The following MACROD2 variants were observed in gnomAD, a reference collection of about 807,000 sequenced individuals.
The protein encoded by MACROD2 is mono-ADP ribosylhydrolase 2, also known as ADP-ribose glycohydrolase MACROD2.
In MACROD2, 36 loss-of-function variants were observed where a neutral mutation model predicts 70.4. The observed-to-expected ratio is 0.51, with a 90% CI of 0.39 to 0.68. The LOEUF (loss-of-function observed/expected upper bound fraction) is 0.68, where lower values mean the gene tolerates loss of function less well. Among genes scored for constraint, MACROD2 ranks in the 30% least tolerant of loss-of-function variants. The pLI, the probability that MACROD2 is intolerant of heterozygous loss-of-function variation, is 0.00. For synonymous variants in MACROD2, 172 were observed against 178.8 expected (o/e 0.96, Z 0.30); for missense variants, 496 against 538.4 (o/e 0.92, Z 0.78).
intron 3 of MACROD2, chr20:14,127,763 A>C: frequency 2.3e-6 from 1 of 439,782 alleles, no homozygotes; most frequent in Non-Finnish European, 4.4e-6. Context: ...AGATAAAAGG[A>C]GGAGCAGGAG....
intron 4 of MACROD2, among the ~76,000 whole-genome samples, chr20:14,661,540 A>G (rs910412502): frequency 5.9e-5 from 9 of 152,268 alleles, no homozygotes; most frequent in African/African-American, 2.2e-4. Context: ...TGCTCTGCAG[A>G]AGCTCTGTAG....
At chr20:15,605,376 A>T (rs1229502277) in intron 8 of MACROD2, among the ~76,000 whole-genome samples, 1 of 151,838 alleles carries the variant, frequency 6.6e-6, no homozygotes, top group Non-Finnish European at 1.5e-5. Flanking sequence ...CAAAATGAAA[A>T]GAGGGTATTG....
At chr20:15,515,555 A>T (rs1168775877) in intron 8 of MACROD2, among the ~76,000 whole-genome samples, 2 of 152,092 alleles carry the variant, frequency 1.3e-5, no homozygotes, top group Non-Finnish European at 2.9e-5. Flanking sequence ...TTTCCCACTG[A>T]CTCAAGGACT....
chr20:14,762,081 G>A (rs553612323), intron 5 of MACROD2, among the ~76,000 whole-genome samples: 23 of 152,172 alleles, frequency 1.5e-4, no homozygotes, highest in African/African-American at 5.3e-4. Context: ...GCCTCGGCTG[G>A]TTCACATGGC....
At chr20:15,487,842 T>C (rs2047181549) in intron 7 of MACROD2, among the ~76,000 whole-genome samples, 1 of 152,066 alleles carries the variant, frequency 6.6e-6, no homozygotes, top group African/African-American at 2.4e-5. Flanking sequence ...CAAAAGCCAA[T>C]AGTCAGGGGA....
chr20:15,065,654 CAA>C (rs554222351), intron 5 of MACROD2, among the ~76,000 whole-genome samples: 73 of 94,954 alleles, frequency 7.7e-4, no homozygotes, highest in East Asian at 6.3e-3. Context: ...ACTCCGTCTC[CAA>C]AAAAAAAAAA....
At chr20:15,007,375 C>CAAACAA (rs2075047027) in intron 5 of MACROD2, among the ~76,000 whole-genome samples, 1 of 146,722 alleles carries the variant, frequency 6.8e-6, no homozygotes, top group African/African-American at 2.6e-5. Context: ...AAAACAAAAA[C>CAAACAA]AAACAAAAAA....
At chr20:14,826,683 A>G (rs545113609) in intron 5 of MACROD2, among the ~76,000 whole-genome samples, 4 of 152,214 alleles carry the variant, frequency 2.6e-5, no homozygotes, top group South Asian at 2.1e-4. Flanking sequence ...TGTTTGTAAC[A>G]TGTATCCACA....
intron 4 of MACROD2, among the ~76,000 whole-genome samples, chr20:14,519,151 GAATCTTTTACC>G (rs2085136752): frequency 6.6e-6 from 1 of 152,068 alleles, no homozygotes; most frequent in African/African-American, 2.4e-5. Context: ...TTAGTCACTG[GAATCTTTTACC>G]TCCCAACACA....
chr20:15,978,885 G>T (rs16996877), intron 13 of MACROD2, among the ~76,000 whole-genome samples: 22,218 of 152,120 alleles, frequency 0.15, 2,920 homozygotes, highest in African/African-American at 0.35. Context: ...TTCATTAAAC[G>T]TCAGGAGTGA....
chr20:14,951,856 C>T (rs954602089), intron 5 of MACROD2, among the ~76,000 whole-genome samples: 18 of 151,974 alleles, frequency 1.2e-4, no homozygotes, highest in African/African-American at 4.4e-4. Flanking sequence ...ATCTTTCCTC[C>T]CGTGTTTTTC....
chr20:14,045,177 CCTGCAAG>C (rs1359630184), intron 2 of MACROD2, among the ~76,000 whole-genome samples: 1 of 152,248 alleles, frequency 6.6e-6, no homozygotes, highest in Non-Finnish European at 1.5e-5. Flanking sequence ...TCCACACCTC[CCTGCAAG>C]CTGAGGGAGC....
chr20:15,349,990 A>G (rs55689063), intron 6 of MACROD2, among the ~76,000 whole-genome samples: 7,994 of 152,230 alleles, frequency 0.053, 276 homozygotes, highest in Middle Eastern at 0.16. Context: ...CTGATAGATG[A>G]AAGAAAACTG....
At chr20:15,033,872 C>T (rs1012280157) in intron 5 of MACROD2, among the ~76,000 whole-genome samples, 5 of 152,136 alleles carry the variant, frequency 3.3e-5, no homozygotes, top group African/African-American at 9.7e-5. Context: ...TCAACAGACA[C>T]AAGGGAGTAT....
intron 6 of MACROD2, among the ~76,000 whole-genome samples, chr20:15,377,009 G>T: frequency 6.6e-6 from 1 of 152,084 alleles, no homozygotes. Context: ...TCCTGCCTCA[G>T]CCTCCTGAGT....
intron 3 of MACROD2, among the ~76,000 whole-genome samples, chr20:14,159,880 A>G (rs1601294472): frequency 1.3e-5 from 2 of 152,210 alleles, no homozygotes; most frequent in African/African-American, 4.8e-5. Flanking sequence ...GGGCTTTATC[A>G]TATTGAGTTG....
intron 6 of MACROD2, among the ~76,000 whole-genome samples, chr20:15,355,968 A>T (rs781309560): frequency 2.4e-4 from 36 of 152,328 alleles, no homozygotes; most frequent in Admixed American, 1.4e-3. Flanking sequence ...CTCTAGTTCT[A>T]GTAATTTACA....
At chr20:15,117,235 A>G (rs1025837696) in intron 5 of MACROD2, among the ~76,000 whole-genome samples, 1 of 152,182 alleles carries the variant, frequency 6.6e-6, no homozygotes, top group Admixed American at 6.5e-5. Context: ...ACAACTGAAG[A>G]GTAGATTTTT....
At chr20:15,730,353 T>C (rs1292687659) in intron 8 of MACROD2, among the ~76,000 whole-genome samples, 2 of 152,212 alleles carry the variant, frequency 1.3e-5, no homozygotes, top group Non-Finnish European at 2.9e-5. Context: ...TTTCCATATT[T>C]AGCACTCCCT....
Sources: gnomAD v4.1 joint callset for allele counts (sites outside exome capture counted in the v4.1 genomes callset) on GRCh38, gnomAD v4.1.1 for gene constraint, MANE v1.5 for transcripts, NCBI Gene and HGNC (gene_info 2026-07-23, HGNC 2026-07-21) for gene names.